The following LPO variants were observed in gnomAD, a reference collection of about 807,000 sequenced individuals.
The protein encoded by LPO is salivary peroxidase.
In LPO, 70 loss-of-function variants were observed where a neutral mutation model predicts 68.4. The ratio of observed to expected loss-of-function variants is 1.02; its 90% CI spans 0.84 to 1.25. LPO has a LOEUF of 1.25. LPO is among the 50% of genes most tolerant of loss of function. The pLI is 0.00. For missense variants in LPO, 873 were observed against 908.4 expected, an observed-to-expected ratio of 0.96 and a Z score of 0.50; for synonymous variants, 360 against 357.6, an observed-to-expected ratio of 1.01 and a Z score of -0.08.
chr17:58,255,595 C>G (rs4793581), intron 9 of LPO, among the ~76,000 whole-genome samples: 152,346 of 152,346 alleles, frequency 1, 76,173 homozygotes, highest in Non-Finnish European at 1. Context: ...AGGCGCAGCA[C>G]CGAGCAGAGG....
rs1318459918 is a variant in LPO at position 58,268,487 on chromosome 17, T to A, written c.*493T>A. 6.3e-6 allele frequency: 1 copy of A among 159,004 alleles called. No individual in the cohort carries two copies. The highest frequency in any genetic ancestry group is 1.4e-5 in the Non-Finnish European group (1 of 72,504). 9.8% of individuals were successfully genotyped at this position (159,004 alleles called of 1,614,324 possible). ...CTCCAAAAGCAGACCTCGGAATCAC[T>A]GCCAAATAAGTAACTAGACGTTTAC... On this transcript the variant is annotated 3_prime_UTR_variant, in exon 13 of 13. Transcript: ENST00000262290.
intron 1 of LPO, among the ~76,000 whole-genome samples, chr17:58,241,009 A>G (rs1338624340): frequency 6.6e-6 from 1 of 152,082 alleles, no homozygotes; most frequent in Non-Finnish European, 1.5e-5. Context: ...CTAGAGATCC[A>G]TTGTGCAACA....
chr17:58,244,865 C>G (rs1047841558), intron 3 of LPO, among the ~76,000 whole-genome samples: 3 of 152,238 alleles, frequency 2.0e-5, no homozygotes, highest in Non-Finnish European at 4.4e-5. Context: ...CCACAGGGCA[C>G]CAGTAGAGTC....
intron 1 of LPO, among the ~76,000 whole-genome samples, chr17:58,242,386 G>A (rs79722447): frequency 8.1e-4 from 124 of 152,312 alleles, no homozygotes; most frequent in Non-Finnish European, 1.5e-3. Flanking sequence ...GGCACTTTGA[G>A]GGAAGGGGAA....
At position 58,247,650 on chromosome 17, in the gene LPO, C is replaced by A. The variant is rs2143896767; in HGVS notation, c.325+12C>A. On this transcript the variant is annotated intron_variant, in intron 4 of 12. Transcript: ENST00000262290. The stretch of plus-strand genomic sequence containing the variant: ...GACCAATGTCACAGGTACAGAAAAC[C>A]CACCAGCCCTCTGTGGCAGGAAGGG... 6.2e-7 allele frequency: 1 copy of A among 1,610,336 alleles called. No individual in the cohort carries two copies.
At chr17:58,256,510 C>T (rs1188760909) in intron 9 of LPO, among the ~76,000 whole-genome samples, 2 of 151,246 alleles carry the variant, frequency 1.3e-5, no homozygotes, top group East Asian at 1.9e-4. Context: ...GTGAAATAAG[C>T]ACATCGTGAA....
intron 1 of LPO, among the ~76,000 whole-genome samples, chr17:58,240,634 C>T (rs1969737341): frequency 1.3e-5 from 2 of 152,124 alleles, no homozygotes. Context: ...TTGAAGTCCC[C>T]CTCCTCCACT....
In LPO at chr17:58,254,152, T is replaced by TATAGATATATATATAG. The variant is rs1555605278; in HGVS notation, c.1106-652_1106-651insTATATATAGATAGATA. ...TGATAGATATATAGATATATAGATATATAGATAGATAGATAGATAGATAGA... is the reference window on the plus strand; with the variant it reads ...TGATAGATATATAGATATATAGATATATAGATATATATATAGATAGATAGATAGATAGATAGATAGA... On this transcript the variant is annotated intron_variant, in intron 8 of 12. Coordinates refer to ENST00000262290, the MANE Select transcript of LPO (RefSeq NM_006151.3). Among the ~76,000 whole-genome samples, 446 of 133,382 alleles carry TATAGATATATATATAG rather than the reference T, an allele frequency of 3.3e-3. 4 individuals are homozygous for TATAGATATATATATAG. The highest frequency in any genetic ancestry group is 0.012 in the African/African-American group (410 of 33,746). 87.5% of individuals were successfully genotyped at this position (133,382 alleles called of 152,430 possible). A position where few individuals can be genotyped will look rare whatever the true frequency, so the allele number is the denominator to read the frequency against.
rs919051714 is a variant in LPO at position 58,252,054 on chromosome 17, A to G, written c.781-128A>G. ...ATGTCAGCAAGAAGTGTCTGGGGTC[A>G]GTGTCTGGTACCAGGGTCCTAGGAG... is the stretch of plus-strand genomic sequence containing the variant. On this transcript the variant is annotated intron_variant, in intron 7 of 12. Transcript: ENST00000262290. 6.2e-6 allele frequency: 5 copies of G among 808,570 alleles called. No homozygotes were observed. In the Admixed American group the frequency reaches 7.5e-5, roughly 12 times the overall value. The allele number at this position is 808,570 out of a possible 1,614,324, so 50.1% of individuals were successfully genotyped here.
Position 58,268,049 on chromosome 17 carries a change from G to A in LPO, c.*55G>A. 1 of 1,536,848 alleles carries A rather than the reference G, an allele frequency of 6.5e-7. No individual in the cohort carries two copies. Among genetic ancestry groups the A allele is most frequent in the Non-Finnish European group, 9.0e-7 (1 of 1,117,234 alleles). ...TGGTCCACAGGGCCATTTCAAGCAA[G>A]TTCAATGACCTGGTCCCTTAGAGCT... On this transcript the variant is annotated 3_prime_UTR_variant, in exon 13 of 13. Transcript: ENST00000262290.
rs776172912 is a variant in LPO at position 58,250,620 on chromosome 17, TG to T, written c.780+1del. On this transcript the variant is annotated frameshift_variant and splice_region_variant, in exon 7 of 13. Transcript: ENST00000262290. LOFTEE classifies it high-confidence loss of function. ...CAGGGAGACAACTGCTTCCCCATCA[TG>T]GTACGGCCCTGCAGCTAGGCATCTC... ...CIQGDNCFPIMFPPNDPKAGT... is the reference protein window; with the variant it reads ...CIQGDNCFPIXFPPNDPKAGT... 2 of 1,613,808 alleles carry T rather than the reference TG, an allele frequency of 1.2e-6. No individual in the cohort carries two copies. Among genetic ancestry groups the T allele is most frequent in the Non-Finnish European group, 8.5e-7 (1 of 1,179,944 alleles).
intron 11 of LPO, 93 bp from the exon 12 acceptor site, chr17:58,267,256 C>T: frequency 1.1e-6 from 1 of 942,890 alleles, no homozygotes; most frequent in South Asian, 1.5e-5. Flanking sequence ...CCCAGACTTT[C>T]TAGGGCTGAT....
In LPO at chr17:58,267,352, A is replaced by G. The variant is rs777767178; in HGVS notation, c.1697A>G (p.Tyr566Cys). The G allele has an allele frequency of 5.6e-6, 9 of 1,613,398 alleles. No individual in the cohort carries two copies. Among genetic ancestry groups the G allele is most frequent in the Admixed American group, 3.3e-5 (2 of 60,006 alleles). ...AGCCTCAGTCTCTCCACCCTAGGGT[A>G]CAATTCCTGGAGAGCCTTCTGTGAC... The part of the protein sequence containing the change: ...QRCRDHGQPG[Y>C]NSWRAFCDLS... Residue 566 changes from tyrosine (Y) to cysteine (C), a missense_variant, in exon 12 of 13, where the codon TAC becomes TGC. Transcript: ENST00000262290.
intron 2 of LPO, chr17:58,243,652 G>A (rs1404111188): frequency 2.8e-6 from 1 of 357,798 alleles, no homozygotes; most frequent in Non-Finnish European, 5.2e-6. Flanking sequence ...ATGAACTTGA[G>A]ATAGTCCACA....
intron 1 of LPO, among the ~76,000 whole-genome samples, chr17:58,240,846 G>A (rs1969742127): frequency 6.6e-6 from 1 of 152,154 alleles, no homozygotes; most frequent in African/African-American, 2.4e-5. Context: ...AAACGCATTA[G>A]TCATTCAAAG....
chr17:58,265,157 G>A lies in LPO; in HGVS notation c.1519+183G>A, dbSNP rs77750920. On this transcript the variant is annotated intron_variant, in intron 10 of 12. Transcript: ENST00000262290. ...GACAATAATAGTACCCATCTCACGAGGCTATCCAAAACATTAAATGAGATA... is the reference window on the plus strand; with the variant it reads ...GACAATAATAGTACCCATCTCACGAAGCTATCCAAAACATTAAATGAGATA... Among the ~76,000 whole-genome samples the A allele has an allele frequency of 3.1e-4, 47 of 152,240 alleles. 2 individuals carry two copies. The East Asian group carries it at 8.7e-3, about 28-fold the overall frequency.
chr17:58,254,717 C>A (rs556352313), intron 8 of LPO, 94 bp from the exon 9 acceptor site: 2 of 1,269,026 alleles, frequency 1.6e-6, no homozygotes, highest in South Asian at 1.4e-5. Flanking sequence ...GGGGGCGGGG[C>A]GCGGTCCTGT....
intron 8 of LPO, among the ~76,000 whole-genome samples, chr17:58,254,128 G>GGTAGATAT (rs1375886568): frequency 8.8e-6 from 1 of 113,958 alleles, no homozygotes; most frequent in African/African-American, 3.1e-5. Flanking sequence ...GATAGATGAT[G>GGTAGATAT]ATAGATATAT....
In LPO at chr17:58,266,278, G is replaced by A. The variant is rs763760771; in HGVS notation, c.1645G>A (p.Asp549Asn). The change falls in exon 11 of 13, where the codon GAC becomes AAC. Residue 549 changes from aspartate (D) to asparagine (N), a missense_variant. Asp to Asn is a conservative substitution (Grantham distance 23). Transcript: ENST00000262290. ...FQPTHRIHGF[D>N]LAAINTQRCR... ...GCCAACTCACAGGATCCATGGCTTT[G>A]ACCTGGCTGCCATCAACACACAGCG... The A allele has an allele frequency of 6.2e-7, 1 of 1,614,140 alleles. No individual in the cohort carries two copies. Among genetic ancestry groups the A allele is most frequent in the Non-Finnish European group, 8.5e-7 (1 of 1,180,026 alleles).
Sources: gnomAD v4.1 joint callset for allele counts (sites outside exome capture counted in the v4.1 genomes callset) on GRCh38, gnomAD v4.1.1 for gene constraint, MANE v1.5 for transcripts, NCBI Gene and HGNC (gene_info 2026-07-23, HGNC 2026-07-21) for gene names.